FAT3: variants seen among roughly 807,000 people sequenced by gnomAD.
The protein encoded by FAT3 is FAT atypical cadherin 3, also known as protocadherin Fat 3.
Under a neutral mutation model 310.2 loss-of-function variants are expected in FAT3, and 95 were observed. The observed-to-expected ratio is 0.31, with a 90% CI of 0.26 to 0.36. FAT3 has a LOEUF of 0.36. Among genes scored for constraint, FAT3 ranks in the 10% least tolerant of loss-of-function variants. The pLI, the probability that FAT3 is intolerant of heterozygous loss-of-function variation, is 1.00. For missense variants in FAT3, 5,408 were observed against 5,715.6 expected, an observed-to-expected ratio of 0.95 and a Z score of 1.74; for synonymous variants, 2,314 against 2,192.9, an observed-to-expected ratio of 1.06 and a Z score of -1.54.
intron 2 of FAT3, among the ~76,000 whole-genome samples, chr11:92,412,734 T>TATATATATACACACAC (rs1565296392): frequency 6.7e-4 from 8 of 11,888 alleles, no homozygotes; most frequent in Non-Finnish European, 1.4e-3. Context: ...TATATATATA[T>TATATATATACACACAC]ATATATATAT....
At chr11:92,787,934 A>G (rs2136150287) in intron 7 of FAT3, among the ~76,000 whole-genome samples, 1 of 152,258 alleles carries the variant, frequency 6.6e-6, no homozygotes, top group South Asian at 2.1e-4. Flanking sequence ...AATTTTGAAT[A>G]GGAAGTAGCA....
intron 3 of FAT3, among the ~76,000 whole-genome samples, chr11:92,648,836 C>T (rs1052459038): frequency 3.3e-5 from 5 of 152,150 alleles, no homozygotes; most frequent in African/African-American, 1.2e-4. Flanking sequence ...TAAATAAGGC[C>T]TGTGAAGACA....
chr11:92,714,971 A>G (rs1944633555), intron 4 of FAT3, among the ~76,000 whole-genome samples: 1 of 152,160 alleles, frequency 6.6e-6, no homozygotes, highest in South Asian at 2.1e-4. Flanking sequence ...AGAATCTTTA[A>G]CTTTTTAAAA....
intron 4 of FAT3, among the ~76,000 whole-genome samples, chr11:92,737,934 A>G (rs1945400414): frequency 6.6e-6 from 1 of 152,128 alleles, no homozygotes; most frequent in East Asian, 1.9e-4. Flanking sequence ...AAAAGATACC[A>G]GAAACAAATA....
intron 4 of FAT3, among the ~76,000 whole-genome samples, chr11:92,701,537 C>G (rs1944096762): frequency 6.6e-6 from 1 of 152,168 alleles, no homozygotes; most frequent in South Asian, 2.1e-4. Context: ...TTAACTCTTG[C>G]CTGGTTTGGA....
rs1948274315 is a variant in FAT3 at position 92,832,002 on chromosome 11, C to T, written c.9862C>T (p.Pro3288Ser). The change falls in exon 14 of 28, where the codon CCC (proline) becomes TCC (serine). Residue 3288 changes from proline (P) to serine (S), a missense_variant. Pro to Ser is a moderately conservative substitution (Grantham distance 74). Coordinates refer to ENST00000525166, the MANE Select transcript of FAT3 (RefSeq NM_001367949.2). ...CGAACAAGGGAAATTTAAGATCAAC[C>T]CCAAGACAGGTGGGTAAATAGCACT... Reference protein sequence around the residue: ...GNEQGKFKINPKTGGISVSEV... With the variant: ...GNEQGKFKINSKTGGISVSEV... 2 of 1,543,704 alleles carry T rather than the reference C, an allele frequency of 1.3e-6. No homozygotes were observed. The highest frequency in any genetic ancestry group is 1.7e-6 in the Non-Finnish European group (2 of 1,145,086).
intron 7 of FAT3, among the ~76,000 whole-genome samples, chr11:92,788,289 A>C (rs1347999982): frequency 6.6e-6 from 1 of 152,136 alleles, no homozygotes; most frequent in Non-Finnish European, 1.5e-5. Context: ...TAATAACTAC[A>C]ATAGAGAGAA....
At chr11:92,528,538 C>T (rs1394004619) in intron 3 of FAT3, among the ~76,000 whole-genome samples, 2 of 152,192 alleles carry the variant, frequency 1.3e-5, no homozygotes, top group Non-Finnish European at 2.9e-5. Flanking sequence ...AGGCGCCTGC[C>T]ACCACACCCG....
At chr11:92,324,946 A>G (rs1013079251) in intron 1 of FAT3, among the ~76,000 whole-genome samples, 4 of 152,358 alleles carry the variant, frequency 2.6e-5, no homozygotes, top group Admixed American at 1.3e-4. Context: ...GACTGACACC[A>G]GGAATTTGAG....
intron 3 of FAT3, among the ~76,000 whole-genome samples, chr11:92,536,066 A>G (rs1954247734): frequency 6.6e-6 from 1 of 152,154 alleles, no homozygotes; most frequent in South Asian, 2.1e-4. Flanking sequence ...TATTGTTACC[A>G]CTTTATATTC....
chr11:92,316,753 C>T (rs1947473688), intron 1 of FAT3, among the ~76,000 whole-genome samples: 1 of 152,100 alleles, frequency 6.6e-6, no homozygotes, highest in African/African-American at 2.4e-5. Flanking sequence ...CTATTTAGAT[C>T]CTAGGTCTGG....
At chr11:92,849,340 CA>C (rs1948760452) in intron 19 of FAT3, among the ~76,000 whole-genome samples, 1 of 152,158 alleles carries the variant, frequency 6.6e-6, no homozygotes, top group Non-Finnish European at 1.5e-5. Context: ...CATAGTAATT[CA>C]GCCAAAGTTT....
chr11:92,412,728 T>TACACAC (rs1398739246), intron 2 of FAT3, among the ~76,000 whole-genome samples: 5 of 45,926 alleles, frequency 1.1e-4, no homozygotes, highest in African/African-American at 3.1e-4. Flanking sequence ...TATATATATA[T>TACACAC]ATATATATAT....
At chr11:92,753,798 G>GTATATATATATATATATATATATATATA (rs1555140308) in intron 4 of FAT3, among the ~76,000 whole-genome samples, 10 of 119,100 alleles carry the variant, frequency 8.4e-5, no homozygotes, top group South Asian at 2.5e-4. Flanking sequence ...GTGTGTGTGT[G>GTATATATATATATATATATATATATATA]TATATATATA....
rs972609468 is a variant in FAT3, at chr11:92,588,245, T to G, written c.3607+63297T>G. ...ACCAACAGTGTTCCTAATGCTAGCT[T>G]CTATTGCTGCTCCTTTTTGATGTCA... On this transcript the variant is annotated intron_variant, in intron 3 of 27. Coordinates refer to ENST00000525166, the MANE Select transcript of FAT3 (RefSeq NM_001367949.2). Among the ~76,000 whole-genome samples, 35 of 152,020 alleles carry G rather than the reference T, an allele frequency of 2.3e-4. 1 individual carries two copies. The highest frequency in any genetic ancestry group is 8.2e-4 in the African/African-American group (34 of 41,438).
intron 3 of FAT3, among the ~76,000 whole-genome samples, chr11:92,668,245 C>G (rs1334188931): frequency 1.2e-4 from 19 of 152,186 alleles, no homozygotes; most frequent in Admixed American, 7.9e-4. Flanking sequence ...AATATGACAT[C>G]AATTAATAGG....
chr11:92,602,967 A>G (rs1209905468), intron 3 of FAT3, among the ~76,000 whole-genome samples: 2 of 152,218 alleles, frequency 1.3e-5, no homozygotes, highest in African/African-American at 2.4e-5. Flanking sequence ...ATGCTTCTCA[A>G]CAAAGATTTA....
chr11:92,345,064 A>T (rs963543380), intron 1 of FAT3, among the ~76,000 whole-genome samples: 10 of 152,128 alleles, frequency 6.6e-5, no homozygotes, highest in Admixed American at 2.0e-4. Context: ...GCCTACCTAT[A>T]CAGAATTAGT....
Position 92,645,490 on chromosome 11 carries a change from G to GAAAA in FAT3, c.3608-51883_3608-51880dup, listed in dbSNP as rs10655127. On this transcript the variant is annotated intron_variant, in intron 3 of 27. Transcript: ENST00000525166. ...AAGGCAAAGAAGACACTGCTTTTCA[G>GAAAA]AAAAAAAAAAAAAACAGGTAAACAT... Among the ~76,000 whole-genome samples, 610 of 140,716 alleles carry GAAAA rather than the reference G, an allele frequency of 4.3e-3. 10 individuals carry two copies. The highest frequency in any genetic ancestry group is 0.034 in the East Asian group (161 of 4,722). 92.3% of individuals were successfully genotyped at this position (140,716 alleles called of 152,430 possible).
Sources: allele counts gnomAD v4.1 joint callset (sites outside exome capture counted in the v4.1 genomes callset), GRCh38; gene constraint gnomAD v4.1.1; transcripts MANE v1.5; gene names NCBI Gene and HGNC (gene_info 2026-07-23, HGNC 2026-07-21).